The following RALGPS1 variants were observed in gnomAD, a reference collection of about 807,000 sequenced individuals.
RALGPS1 encodes the protein ras-specific guanine nucleotide-releasing factor RalGPS1.
RALGPS1 carries 19 observed loss-of-function variants against 78.8 expected under a neutral mutation model. The ratio of observed to expected loss-of-function variants is 0.24; its 90% CI spans 0.17 to 0.35. The LOEUF (loss-of-function observed/expected upper bound fraction) is 0.35. Ranked by LOEUF, RALGPS1 falls within the 10% of genes least tolerant of loss-of-function variation. RALGPS1 has a pLI of 1.00. For synonymous variants in RALGPS1, 228 were observed against 256.3 expected, an observed-to-expected ratio of 0.89 and a Z score of 1.06; for missense variants, 454 against 688.3, an observed-to-expected ratio of 0.66 and a Z score of 3.81.
intron 14 of RALGPS1, among the ~76,000 whole-genome samples, chr9:127,210,016 G>C (rs1368793111): frequency 1.3e-5 from 2 of 152,240 alleles, no homozygotes; most frequent in Admixed American, 6.5e-5. Context: ...CTAAGACAGA[G>C]AGGCTAAAGG....
At chr9:127,160,257 C>G (rs777593727) in intron 8 of RALGPS1, among the ~76,000 whole-genome samples, 3 of 152,170 alleles carry the variant, frequency 2.0e-5, no homozygotes, top group Admixed American at 1.3e-4. Context: ...AGAGCACCTC[C>G]TTTGTCAGCC....
intron 11 of RALGPS1, among the ~76,000 whole-genome samples, chr9:127,182,631 G>A (rs1318666671): frequency 6.6e-6 from 1 of 151,980 alleles, no homozygotes; most frequent in African/African-American, 2.4e-5. Context: ...GTTTCACTAT[G>A]TTGGCCAGGC....
intron 3 of RALGPS1, among the ~76,000 whole-genome samples, chr9:126,969,513 T>C (rs540576700): frequency 1.3e-5 from 2 of 152,202 alleles, no homozygotes; most frequent in Non-Finnish European, 2.9e-5. Flanking sequence ...GAGCCTGCAC[T>C]CTTAGCCACA....
At chr9:127,025,604 C>A (rs534853959) in intron 4 of RALGPS1, among the ~76,000 whole-genome samples, 1 of 152,294 alleles carries the variant, frequency 6.6e-6, no homozygotes, top group East Asian at 1.9e-4. Flanking sequence ...GTTTGCATTT[C>A]CCTACTGACT....
chr9:126,919,826 C>T (rs1211886594), intron 1 of RALGPS1, among the ~76,000 whole-genome samples: 3 of 152,106 alleles, frequency 2.0e-5, no homozygotes, highest in South Asian at 2.1e-4. Context: ...GTGTGGAGAT[C>T]GGCGCACAAG....
chr9:127,073,243 A>C (rs1487276649), intron 8 of RALGPS1, among the ~76,000 whole-genome samples: 1 of 152,108 alleles, frequency 6.6e-6, no homozygotes, highest in Non-Finnish European at 1.5e-5. Context: ...TCCCACCCAC[A>C]CACACTTCCC....
At chr9:127,127,403 T>C (rs1324972055) in intron 8 of RALGPS1, among the ~76,000 whole-genome samples, 6 of 152,228 alleles carry the variant, frequency 3.9e-5, no homozygotes, top group Non-Finnish European at 8.8e-5. Context: ...TGGAACTCCA[T>C]ATCCCAATGA....
intron 4 of RALGPS1, among the ~76,000 whole-genome samples, chr9:127,005,352 A>G (rs2043737179): frequency 6.6e-6 from 1 of 152,218 alleles, no homozygotes; most frequent in African/African-American, 2.4e-5. Context: ...GACTGAAAGG[A>G]ATGTCAAGGC....
At position 127,169,802 on chromosome 9, in the gene RALGPS1, TC is replaced by T. The variant is rs1447256382; in HGVS notation, c.842+1032del. On this transcript the variant is annotated intron_variant, in intron 10 of 18. Coordinates refer to ENST00000259351, the MANE Select transcript of RALGPS1 (RefSeq NM_014636.3). Reference sequence around the variant, plus strand: ...TAAATGCCATGAGATATTCAACACTTCCTTATAAAATAGGCTTTGTGTTAGA... The same window carrying T: ...TAAATGCCATGAGATATTCAACACTTCTTATAAAATAGGCTTTGTGTTAGA... Among the ~76,000 whole-genome samples, 7 of 152,342 alleles carry T rather than the reference TC, an allele frequency of 4.6e-5. No individual in the cohort carries two copies. The East Asian group carries it at 1.4e-3, about 29-fold the overall frequency.
intron 4 of RALGPS1, among the ~76,000 whole-genome samples, chr9:127,002,451 T>TC (rs1405364667): frequency 6.0e-5 from 9 of 150,550 alleles, no homozygotes; most frequent in African/African-American, 2.2e-4. Flanking sequence ...TTTTTTTCTT[T>TC]TTTTTTTATT....
intron 1 of RALGPS1, among the ~76,000 whole-genome samples, chr9:126,957,145 A>C (rs2038421964): frequency 6.6e-6 from 1 of 152,196 alleles, no homozygotes; most frequent in South Asian, 2.1e-4. Context: ...ACCTGCACTC[A>C]CTTTAGTGCT....
intron 14 of RALGPS1, among the ~76,000 whole-genome samples, chr9:127,209,943 T>C (rs2062148544): frequency 6.6e-6 from 1 of 152,194 alleles, no homozygotes; most frequent in Non-Finnish European, 1.5e-5. Flanking sequence ...GGTCAGAGAA[T>C]AGGCCATGCC....
chr9:127,109,665 T>C (rs1198960355), intron 8 of RALGPS1, among the ~76,000 whole-genome samples: 1 of 152,246 alleles, frequency 6.6e-6, no homozygotes, highest in African/African-American at 2.4e-5. Context: ...CAGATGTTGA[T>C]TGAACACCTG....
At chr9:127,186,751 C>A (rs1345642942) in intron 11 of RALGPS1, among the ~76,000 whole-genome samples, 1 of 152,228 alleles carries the variant, frequency 6.6e-6, no homozygotes, top group Non-Finnish European at 1.5e-5. Flanking sequence ...CCCAGGGAGG[C>A]TGCAGGCTTT....
chr9:127,215,467 C>T (rs985231068), intron 18 of RALGPS1, among the ~76,000 whole-genome samples: 24 of 152,258 alleles, frequency 1.6e-4, no homozygotes, highest in Non-Finnish European at 3.1e-4. Flanking sequence ...ATTCTCTCAA[C>T]ATCCCTGTGA....
chr9:126,987,189 T>C (rs1352664562), intron 4 of RALGPS1, among the ~76,000 whole-genome samples: 4 of 152,072 alleles, frequency 2.6e-5, no homozygotes, highest in African/African-American at 9.7e-5. Flanking sequence ...GTGCCCTGGA[T>C]AGCTGGGAGG....
intron 18 of RALGPS1, chr9:127,217,581 C>T: frequency 3.0e-6 from 1 of 332,462 alleles, no homozygotes; most frequent in Non-Finnish European, 4.3e-6. Context: ...CAATAAAACA[C>T]CTTATTGCCA....
chr9:127,146,063 A>G (rs2058075932), intron 8 of RALGPS1, among the ~76,000 whole-genome samples: 1 of 152,208 alleles, frequency 6.6e-6, no homozygotes, highest in Non-Finnish European at 1.5e-5. Flanking sequence ...TCGATACGTT[A>G]TCTGTTTTTT....
chr9:127,101,217 A>G (rs2053691036), intron 8 of RALGPS1, among the ~76,000 whole-genome samples: 1 of 152,236 alleles, frequency 6.6e-6, no homozygotes, highest in African/African-American at 2.4e-5. Context: ...TTCACCTGCC[A>G]TGTGCTTTGC....
Sources: gnomAD v4.1 joint callset for allele counts (sites outside exome capture counted in the v4.1 genomes callset) on GRCh38, gnomAD v4.1.1 for gene constraint, MANE v1.5 for transcripts, NCBI Gene and HGNC (gene_info 2026-07-23, HGNC 2026-07-21) for gene names.